The following LAMA3 variants were observed in gnomAD, a reference collection of about 807,000 sequenced individuals.
LAMA3 encodes the protein laminin subunit alpha 3, also known as laminin subunit alpha-3.
Under a neutral mutation model 402.0 loss-of-function variants are expected in LAMA3, and 281 were observed. That is an observed-to-expected ratio of 0.70 (90% CI 0.63 to 0.77). The LOEUF (loss-of-function observed/expected upper bound fraction) is 0.77, where lower values mean the gene tolerates loss of function less well. Among genes scored for constraint, LAMA3 ranks in the 30% least tolerant of loss-of-function variants. The pLI, the probability that LAMA3 is intolerant of heterozygous loss-of-function variation, is 0.00. For synonymous variants in LAMA3, 1,431 were observed against 1,558.4 expected (o/e 0.92, Z 1.93); for missense variants, 3,840 against 4,215.5 (o/e 0.91, Z 2.47).
Position 23,846,454 on chromosome 18 carries a change from G to A in LAMA3, c.3877G>A (p.Gly1293Arg), listed in dbSNP as rs1179520317. 10 of 1,613,360 alleles carry A rather than the reference G, an allele frequency of 6.2e-6. No homozygotes were observed. The highest frequency in any genetic ancestry group is 8.5e-6 in the Non-Finnish European group (10 of 1,180,020). Reference sequence around the variant, plus strand: ...GTGCCCATGCCAGCCCAACGTCATCGGGCGGCAGTGCACCCGCTGTGCAAC... The same window carrying A: ...GTGCCCATGCCAGCCCAACGTCATCAGGCGGCAGTGCACCCGCTGTGCAAC... ...GQCPCQPNVI[G>R]RQCTRCATGH... Residue 1293 changes from glycine (G) to arginine (R), a missense_variant, in exon 31 of 75, where the codon GGG becomes AGG. Physicochemically the swap from Gly to Arg is moderately radical, Grantham distance 125. Coordinates refer to ENST00000313654, the MANE Select transcript of LAMA3 (RefSeq NM_198129.4).
At position 23,879,182 on chromosome 18, in the gene LAMA3, C is replaced by A. The variant is rs141438760; in HGVS notation, c.5113-2754C>A. On this transcript the variant is annotated intron_variant, in intron 39 of 74. Coordinates refer to ENST00000313654, the MANE Select transcript of LAMA3 (RefSeq NM_198129.4). This position sits in a 1 kb window ranked among gnomAD's most constrained non-coding sequence, Gnocchi z 4.2. ...TGAAATTCACAGCTGACATGGTGCTCCTCTGAGGCTCACAGACGGAAGGAA... is the reference window on the plus strand; with the variant it reads ...TGAAATTCACAGCTGACATGGTGCTACTCTGAGGCTCACAGACGGAAGGAA... Among the ~76,000 whole-genome samples the A allele has an allele frequency of 0.01, 1,560 of 152,280 alleles. 14 individuals carry two copies. The highest frequency in any genetic ancestry group is 0.061 in the South Asian group (295 of 4,814).
intron 15 of LAMA3, among the ~76,000 whole-genome samples, chr18:23,814,784 T>C (rs1047969032): frequency 7.2e-5 from 11 of 152,252 alleles, no homozygotes; most frequent in Non-Finnish European, 1.3e-4. Flanking sequence ...TTACTTTTTC[T>C]GGTTTAATTT....
intron 7 of LAMA3, among the ~76,000 whole-genome samples, chr18:23,759,812 A>G (rs912295864): frequency 6.6e-6 from 1 of 152,194 alleles, no homozygotes; most frequent in African/African-American, 2.4e-5. Context: ...GAGAGATGCT[A>G]AAGTTCTGGG....
At chr18:23,912,021 A>G (rs1034152819) in intron 55 of LAMA3, among the ~76,000 whole-genome samples, 3 of 145,740 alleles carry the variant, frequency 2.1e-5, no homozygotes, top group Admixed American at 6.9e-5. Flanking sequence ...TATATAATAC[A>G]TAATTATATA....
At chr18:23,939,072 C>T (rs189060760) in intron 67 of LAMA3, 151 bp from the exon 68 acceptor site, 85 of 792,552 alleles carry the variant, frequency 1.1e-4, no homozygotes, top group African/African-American at 2.4e-4. Context: ...GGGCTCTCAG[C>T]GGAAACTTCC....
intron 56 of LAMA3, 68 bp downstream of exon 56, chr18:23,912,949 G>A (rs1599077827): frequency 7.1e-7 from 1 of 1,401,950 alleles, no homozygotes; most frequent in Non-Finnish European, 1.0e-6. Context: ...CTTTTGAGAT[G>A]TGTGGCACGG....
At chr18:23,766,912 C>G (rs8086148) in intron 8 of LAMA3, among the ~76,000 whole-genome samples, 119,905 of 152,018 alleles carry the variant, frequency 0.79, 47,943 homozygotes, top group African/African-American at 0.92. Context: ...ATTCAAATAG[C>G]AAAAGAAAAA....
In LAMA3 at chr18:23,951,713, TG is replaced by T; in HGVS notation, c.9675del (p.Thr3226ProfsTer23). On this transcript the variant is annotated frameshift_variant, in exon 73 of 75. Transcript: ENST00000313654. LOFTEE classifies it high-confidence loss of function. ...CGGCCTCTATGGACAGTGGGGCAGGTGGGACCTCAACGTCGGTCACACCAAA... is the reference window on the plus strand; with the variant it reads ...CGGCCTCTATGGACAGTGGGGCAGGTGGACCTCAACGTCGGTCACACCAAA... ...VTASMDSGAG[G>X]TSTSVTPKQS... The T allele has an allele frequency of 1.2e-6, 2 of 1,613,932 alleles. No individual in the cohort carries two copies. Among genetic ancestry groups the T allele is most frequent in the Non-Finnish European group, 1.7e-6 (2 of 1,179,954 alleles).
rs114315671 is a variant in LAMA3 at position 23,832,531 on chromosome 18, C to T, written c.2824-1297C>T. Among the ~76,000 whole-genome samples, 904 of 152,226 alleles carry T rather than the reference C, an allele frequency of 5.9e-3. 11 individuals are homozygous for T. Among genetic ancestry groups the T allele is most frequent in the African/African-American group, 0.02 (838 of 41,522 alleles). ...TCTTGCCTGGGCCTGAGCTTGCAGG[C>T]GGAGGTGGGTTACACTGCTGAGGAA... On this transcript the variant is annotated intron_variant, in intron 23 of 74. Transcript: ENST00000313654.
At chr18:23,829,025 C>T (rs2063441887) in intron 23 of LAMA3, among the ~76,000 whole-genome samples, 1 of 152,094 alleles carries the variant, frequency 6.6e-6, no homozygotes, top group Non-Finnish European at 1.5e-5. Context: ...CCAGTGAGGT[C>T]TGGGATAATA....
chr18:23,783,877 G>T, intron 11 of LAMA3, 146 bp from the exon 12 acceptor site: 1 of 1,084,202 alleles, frequency 9.2e-7, no homozygotes, highest in Admixed American at 1.8e-5. Flanking sequence ...TCCCTTCAAC[G>T]CAGTGTAGTC....
At chr18:23,740,744 G>A (rs746691508) in intron 2 of LAMA3, among the ~76,000 whole-genome samples, 31 of 152,106 alleles carry the variant, frequency 2.0e-4, no homozygotes, top group Non-Finnish European at 4.4e-4. Context: ...TGACAAACAT[G>A]GAGGAAACCT....
At chr18:23,892,953 A>G (rs2080734919) in intron 42 of LAMA3, among the ~76,000 whole-genome samples, 2 of 150,226 alleles carry the variant, frequency 1.3e-5, no homozygotes, top group Non-Finnish European at 3.0e-5. Flanking sequence ...AAAGGAACCC[A>G]TGATTATATA....
rs149272809 is a variant in LAMA3, at chr18:23,894,950, C to A, written c.5505C>A (p.Thr1835=). The A allele has an allele frequency of 6.2e-7, 1 of 1,614,204 alleles. No individual in the cohort carries two copies. The highest frequency in any genetic ancestry group is 2.2e-5 in the East Asian group (1 of 44,876). ...CVMTLLNDLA[T]MGEQLRLVKS... ...TGACCCTCCTGAACGACCTGGCCAC[C>A]ATGGGCGAGCAGCTCCGCCTGGTCA... Residue 1835 remains threonine, a synonymous_variant, in exon 44 of 75, where the codon ACC becomes ACA. Transcript: ENST00000313654.
At chr18:23,743,117 G>T (rs564849784) in intron 2 of LAMA3, among the ~76,000 whole-genome samples, 5 of 152,202 alleles carry the variant, frequency 3.3e-5, no homozygotes, top group Non-Finnish European at 4.4e-5. Flanking sequence ...AACAGGTACC[G>T]CAGTGCATGA....
At chr18:23,908,994 C>T (rs544714447) in intron 54 of LAMA3, among the ~76,000 whole-genome samples, 159 bp from the exon 55 acceptor site, 21 of 152,312 alleles carry the variant, frequency 1.4e-4, no homozygotes, top group Admixed American at 5.9e-4. Flanking sequence ...GAAGTGAAAC[C>T]ATGGGTAAGG....
intron 12 of LAMA3, among the ~76,000 whole-genome samples, chr18:23,798,016 C>T (rs1300725858): frequency 6.6e-6 from 1 of 152,098 alleles, no homozygotes; most frequent in Non-Finnish European, 1.5e-5. Flanking sequence ...CCACAGAATA[C>T]AACTGTTAAT....
intron 38 of LAMA3, among the ~76,000 whole-genome samples, chr18:23,874,309 T>C (rs1260532175): frequency 6.6e-6 from 1 of 152,262 alleles, no homozygotes; most frequent in Non-Finnish European, 1.5e-5. Flanking sequence ...ACAGATTGTA[T>C]AATAGATAGA....
intron 2 of LAMA3, among the ~76,000 whole-genome samples, chr18:23,747,099 G>A (rs1026899077): frequency 1.2e-4 from 19 of 152,074 alleles, no homozygotes; most frequent in African/African-American, 4.3e-4. Context: ...AGGGAGCCTG[G>A]AAGGGGGTGG....
Sources: gnomAD v4.1 joint callset for allele counts (sites outside exome capture counted in the v4.1 genomes callset) on GRCh38, gnomAD v4.1.1 for gene constraint, Gnocchi (gnomAD v3.1) non-coding constraint, MANE v1.5 for transcripts, NCBI Gene and HGNC (gene_info 2026-07-23, HGNC 2026-07-21) for gene names.